FAM78B: variants seen among roughly 807,000 people sequenced by gnomAD.
FAM78B encodes the protein protein FAM78B.
Under a neutral mutation model 20.0 loss-of-function variants are expected in FAM78B, and 10 were observed. That is an observed-to-expected ratio of 0.50 (90% CI 0.31 to 0.85). FAM78B has a LOEUF of 0.85. Among genes scored for constraint, FAM78B ranks in the 40% least tolerant of loss-of-function variants. FAM78B has a pLI of 0.05. For synonymous variants in FAM78B, 135 were observed against 132.8 expected, an observed-to-expected ratio of 1.02 and a Z score of -0.12; for missense variants, 283 against 345.0, an observed-to-expected ratio of 0.82 and a Z score of 1.42.
intron 1 of FAM78B, among the ~76,000 whole-genome samples, chr1:166,088,204 G>A (rs943131963): frequency 1.3e-5 from 2 of 152,180 alleles, no homozygotes; most frequent in Non-Finnish European, 2.9e-5. Context: ...ATGCAACAGA[G>A]GCCTCTGGAA....
At chr1:166,072,494 G>A (rs74413060) in intron 1 of FAM78B, among the ~76,000 whole-genome samples, 1,942 of 152,270 alleles carry the variant, frequency 0.013, 45 homozygotes, top group African/African-American at 0.044. Context: ...TAGCTCCCAG[G>A]TAATTCTATG....
intron 1 of FAM78B, among the ~76,000 whole-genome samples, chr1:166,163,205 T>C (rs1656224966): frequency 1.3e-5 from 2 of 152,214 alleles, no homozygotes; most frequent in South Asian, 4.1e-4. Context: ...TGTTCAAGGC[T>C]GCACTAGCAA....
At chr1:166,133,797 G>A (rs937296042) in intron 1 of FAM78B, among the ~76,000 whole-genome samples, 1 of 152,112 alleles carries the variant, frequency 6.6e-6, no homozygotes, top group African/African-American at 2.4e-5. Context: ...GGCCACTCGC[G>A]AGGTGCTTAC....
At chr1:166,095,812 T>C (rs1224249763) in intron 1 of FAM78B, among the ~76,000 whole-genome samples, 3 of 152,056 alleles carry the variant, frequency 2.0e-5, no homozygotes, top group African/African-American at 2.4e-5. Flanking sequence ...TGTGTGTGTG[T>C]TGGGGTGGTG....
At chr1:166,058,499 T>TTG (rs67247909) in exon 3 of FAM78B, 19,204 of 145,924 alleles carry the variant, frequency 0.13, 1,387 homozygotes, top group East Asian at 0.37. Context: ...TCCCTAGGCT[T>TTG]TGTGTGTGTG....
At chr1:166,126,303 T>C (rs1017020581) in intron 1 of FAM78B, among the ~76,000 whole-genome samples, 6 of 152,194 alleles carry the variant, frequency 3.9e-5, no homozygotes, top group African/African-American at 9.7e-5. Flanking sequence ...CCAGGATCTA[T>C]ATTGGACACT....
At chr1:166,080,675 A>T (rs1342586621) in intron 1 of FAM78B, among the ~76,000 whole-genome samples, 1 of 152,248 alleles carries the variant, frequency 6.6e-6, no homozygotes, top group Non-Finnish European at 1.5e-5. Context: ...TTAGTTAAAG[A>T]GAACACCACA....
At chr1:166,127,772 A>G (rs1168275701) in intron 1 of FAM78B, among the ~76,000 whole-genome samples, 1 of 152,178 alleles carries the variant, frequency 6.6e-6, no homozygotes, top group Non-Finnish European at 1.5e-5. Context: ...GGGTGGATGC[A>G]GTGAAACAAA....
At chr1:166,138,186 T>C (rs552558892) in intron 1 of FAM78B, among the ~76,000 whole-genome samples, 2 of 152,210 alleles carry the variant, frequency 1.3e-5, no homozygotes, top group East Asian at 1.9e-4. Context: ...GGGACTTCAG[T>C]TGGTGGTTTC....
intron 1 of FAM78B, among the ~76,000 whole-genome samples, chr1:166,110,766 T>C (rs1314444572): frequency 2.0e-5 from 3 of 152,164 alleles, no homozygotes; most frequent in African/African-American, 7.2e-5. Context: ...CCAGAGCATC[T>C]GGCAGAGCTC....
chr1:166,102,366 G>A (rs10800189), intron 1 of FAM78B, among the ~76,000 whole-genome samples: 29,678 of 151,910 alleles, frequency 0.2, 3,306 homozygotes, highest in East Asian at 0.38. Context: ...CAATATTAAC[G>A]TAAATGTAAA....
chr1:166,068,266 C>T (rs1348286947), downstream of FAM78B, among the ~76,000 whole-genome samples: 1 of 152,160 alleles, frequency 6.6e-6, no homozygotes, highest in African/African-American at 2.4e-5. Flanking sequence ...GTACTTTAGC[C>T]ATGGAGCTCT....
chr1:166,083,775 T>C (rs997032134), intron 1 of FAM78B, among the ~76,000 whole-genome samples: 3 of 146,854 alleles, frequency 2.0e-5, no homozygotes, highest in South Asian at 2.2e-4. Context: ...GTGCTGGGAT[T>C]ACAGGCGTGA....
At chr1:166,144,116 G>A (rs1655374577) in intron 1 of FAM78B, among the ~76,000 whole-genome samples, 1 of 152,216 alleles carries the variant, frequency 6.6e-6, no homozygotes, top group South Asian at 2.1e-4. Flanking sequence ...TGTGGTTCCA[G>A]TGACCAGGGT....
intron 1 of FAM78B, among the ~76,000 whole-genome samples, chr1:166,141,271 T>C (rs1276430553): frequency 6.6e-6 from 1 of 152,212 alleles, no homozygotes; most frequent in Non-Finnish European, 1.5e-5. Flanking sequence ...ACAAGATGCA[T>C]GTACAGTGAG....
At chr1:166,068,780 A>G (rs114039564), downstream of FAM78B, among the ~76,000 whole-genome samples, 217 of 152,336 alleles carry the variant, frequency 1.4e-3, 1 homozygote, top group Non-Finnish European at 2.6e-3. Context: ...GGGGGTGGTG[A>G]ACAAGCAAAT....
intron 1 of FAM78B, among the ~76,000 whole-genome samples, chr1:166,126,284 C>T (rs951583554): frequency 6.6e-6 from 1 of 151,968 alleles, no homozygotes; most frequent in East Asian, 1.9e-4. Flanking sequence ...GATTAAGTAC[C>T]TGTAGATGCC....
chr1:166,162,915 T>G (rs945628480), intron 1 of FAM78B, among the ~76,000 whole-genome samples: 1 of 152,152 alleles, frequency 6.6e-6, no homozygotes, highest in Non-Finnish European at 1.5e-5. Flanking sequence ...ACCTGAATAT[T>G]ACCCATACCT....
intron 1 of FAM78B, among the ~76,000 whole-genome samples, chr1:166,147,559 G>A (rs1655508626): frequency 6.6e-6 from 1 of 152,274 alleles, no homozygotes; most frequent in South Asian, 2.1e-4. Flanking sequence ...GACAGTTAAT[G>A]TGCCTGAAAT....
Sources: gnomAD v4.1 joint callset for allele counts (sites outside exome capture counted in the v4.1 genomes callset) on GRCh38, gnomAD v4.1.1 for gene constraint, MANE v1.5 for transcripts, NCBI Gene and HGNC (gene_info 2026-07-23, HGNC 2026-07-21) for gene names.